Variants in H4C15 observed in about 807,000 individuals in gnomAD.
The protein encoded by H4C15 is H4 clustered histone 15.
chr1:149,849,881 CTA>C (rs1158396963), downstream of H4C15, among the ~76,000 whole-genome samples: 2 of 152,194 alleles, frequency 1.3e-5, no homozygotes, highest in African/African-American at 4.8e-5. Context: ...AAAAGTTGAG[CTA>C]TTCCCTTTTA....
the H4C15 span, chr1:149,845,986 T>A: frequency 2.6e-5 from 4 of 152,136 alleles, no homozygotes; most frequent in African/African-American, 9.7e-5. Context: ...AGTGTAAATA[T>A]CAAATAGGAA....
the H4C15 span, chr1:149,845,506 CA>C: frequency 6.6e-6 from 1 of 152,168 alleles, no homozygotes; most frequent in Non-Finnish European, 1.5e-5. Context: ...TATCTTGAGG[CA>C]GAGTATTCTC....
the H4C15 span, chr1:149,846,208 CCTT>C: frequency 3.9e-5 from 6 of 152,250 alleles, no homozygotes; most frequent in Non-Finnish European, 5.9e-5. Flanking sequence ...TTGACTAAAA[CCTT>C]CTATTCAACT....
At chr1:149,850,528 C>A (rs1553757675), downstream of H4C15, 1 of 806,654 alleles carries the variant, frequency 1.2e-6, no homozygotes, top group Admixed American at 2.4e-5. Flanking sequence ...TGTTGTAGTG[C>A]GCCAGGCGGG....
At chr1:149,846,289 A>C in the H4C15 span, 1 of 152,226 alleles carries the variant, frequency 6.6e-6, no homozygotes, top group Non-Finnish European at 1.5e-5. Context: ...AGACTTGTGC[A>C]ATCACAAAAG....
the H4C15 span, chr1:149,846,164 C>A: frequency 3.9e-5 from 6 of 152,218 alleles, no homozygotes; most frequent in South Asian, 2.1e-4. Flanking sequence ...CTCACTCCCC[C>A]CCGCCAGGAC....
At chr1:149,846,194 GT>G in the H4C15 span, 1 of 152,062 alleles carries the variant, frequency 6.6e-6, no homozygotes, top group East Asian at 1.9e-4. Context: ...TTTCATCTCA[GT>G]ATTTGACTAA....
downstream of H4C15, among the ~76,000 whole-genome samples, chr1:149,849,715 T>G (rs1323601177): frequency 1.3e-5 from 2 of 152,210 alleles, no homozygotes; most frequent in Non-Finnish European, 2.9e-5. Context: ...TTAGGGTATC[T>G]CAACTAGAAA....
chr1:149,855,486 A>C (rs2092182989), downstream of H4C15, among the ~76,000 whole-genome samples: 1 of 124,426 alleles, frequency 8.0e-6, no homozygotes, highest in African/African-American at 3.0e-5. Flanking sequence ...CTTCCTTAGA[A>C]GAGGACTTGT....
At chr1:149,855,384 GGTGT>G (rs1162535434), downstream of H4C15, among the ~76,000 whole-genome samples, 11 of 139,222 alleles carry the variant, frequency 7.9e-5, no homozygotes, top group South Asian at 4.5e-4. Flanking sequence ...GTGGGGGACA[GGTGT>G]GTGTGTGTGT....
At chr1:149,849,397 G>A (rs2092160214), downstream of H4C15, among the ~76,000 whole-genome samples, 1 of 152,202 alleles carries the variant, frequency 6.6e-6, no homozygotes, top group African/African-American at 2.4e-5. Context: ...CACTGCAACA[G>A]CCTCCTAATT....
At chr1:149,850,236 G>C (rs1553757576), downstream of H4C15, 3 of 1,009,910 alleles carry the variant, frequency 3.0e-6, no homozygotes, top group East Asian at 2.6e-5. Context: ...TTAACCAGAC[G>C]TGAAGCCAAA....
At chr1:149,855,459 C>T (rs1169574144), downstream of H4C15, among the ~76,000 whole-genome samples, 1 of 135,480 alleles carries the variant, frequency 7.4e-6, no homozygotes, top group African/African-American at 2.7e-5. Flanking sequence ...GACATGGCCA[C>T]GTTTACACTG....
At chr1:149,848,033 T>C in the H4C15 span, 3 of 152,210 alleles carry the variant, frequency 2.0e-5, no homozygotes, top group Non-Finnish European at 4.4e-5. Flanking sequence ...CCATACAGTT[T>C]GTGGTACTTT....
chr1:149,846,223 C>A, the H4C15 span: 1 of 152,154 alleles, frequency 6.6e-6, no homozygotes, highest in Non-Finnish European at 1.5e-5. Flanking sequence ...TATTCAACTT[C>A]AGTTTCAGCC....
downstream of H4C15, among the ~76,000 whole-genome samples, chr1:149,855,332 T>TG (rs1452557483): frequency 7.5e-6 from 1 of 132,636 alleles, no homozygotes; most frequent in Admixed American, 7.3e-5. Context: ...TTTTATGAAG[T>TG]GAAAAACGTG....
chr1:149,845,307 A>C, the H4C15 span: 1 of 152,254 alleles, frequency 6.6e-6, no homozygotes, highest in African/African-American at 2.4e-5. Context: ...ATACAGCAGT[A>C]AACAGAATAG....
chr1:149,845,019 C>T, the H4C15 span: 1 of 152,130 alleles, frequency 6.6e-6, no homozygotes, highest in Non-Finnish European at 1.5e-5. Flanking sequence ...GCATGGCGTT[C>T]GGTAAATAAC....
At chr1:149,846,339 A>C in the H4C15 span, 1 of 152,196 alleles carries the variant, frequency 6.6e-6, no homozygotes, top group Non-Finnish European at 1.5e-5. Flanking sequence ...TGACCAATGG[A>C]TATCATTCAG....
Sources: gnomAD v4.1 joint callset for allele counts (sites outside exome capture counted in the v4.1 genomes callset) on GRCh38, gnomAD v4.1.1 for gene constraint, MANE v1.5 for transcripts, NCBI Gene and HGNC (gene_info 2026-07-23, HGNC 2026-07-21) for gene names.